The following EPHA6 variants were observed in gnomAD, a reference collection of about 807,000 sequenced individuals.
EPHA6 encodes the protein EPH receptor A6, also known as ephrin type-A receptor 6.
A neutral mutation model predicts 112.0 loss-of-function variants in EPHA6; 50 were observed. That is an observed-to-expected ratio of 0.45 (90% CI 0.36 to 0.56). The LOEUF is 0.56. EPHA6 is among the 20% of genes least tolerant of loss of function. The pLI, the probability that EPHA6 is intolerant of heterozygous loss-of-function variation, is 0.00. For missense variants in EPHA6, 1,280 were observed against 1,417.4 expected (o/e 0.90, Z 1.56); for synonymous variants, 529 against 490.7 (o/e 1.08, Z -1.03).
chr3:97,186,213 A>T (rs533578961), intron 3 of EPHA6, among the ~76,000 whole-genome samples: 5 of 101,880 alleles, frequency 4.9e-5, no homozygotes, highest in Admixed American at 1.3e-4. Context: ...AAAGTATAAT[A>T]AAAAAAAATG....
chr3:97,575,693 G>A (rs973129604), intron 11 of EPHA6, among the ~76,000 whole-genome samples: 1 of 152,170 alleles, frequency 6.6e-6, no homozygotes, highest in Non-Finnish European at 1.5e-5. Context: ...GGGAGCCTTT[G>A]AAAGGTTTTA....
At chr3:97,123,899 G>A (rs149331474) in intron 3 of EPHA6, among the ~76,000 whole-genome samples, 2 of 152,016 alleles carry the variant, frequency 1.3e-5, no homozygotes, top group South Asian at 2.1e-4. Flanking sequence ...TTGTCACAGA[G>A]AGGGAGAGAC....
intron 3 of EPHA6, among the ~76,000 whole-genome samples, chr3:97,156,571 TA>T (rs1453101200): frequency 6.6e-6 from 1 of 152,180 alleles, no homozygotes; most frequent in Non-Finnish European, 1.5e-5. Flanking sequence ...CATTAGCAGA[TA>T]AAAGTTATAG....
At chr3:97,428,326 G>A (rs969742161) in intron 6 of EPHA6, among the ~76,000 whole-genome samples, 5 of 152,018 alleles carry the variant, frequency 3.3e-5, no homozygotes, top group Admixed American at 6.6e-5. Context: ...AGAGGGAGGA[G>A]ACTGGATAGG....
intron 5 of EPHA6, among the ~76,000 whole-genome samples, chr3:97,256,065 C>T (rs962060311): frequency 1.3e-4 from 20 of 152,054 alleles, no homozygotes; most frequent in Admixed American, 7.2e-4. Context: ...TCTCTTTCCT[C>T]ATTTATGAAG....
chr3:96,985,040 G>A (rs535330917), intron 2 of EPHA6, among the ~76,000 whole-genome samples: 2 of 152,138 alleles, frequency 1.3e-5, no homozygotes, highest in African/African-American at 4.8e-5. Flanking sequence ...CACACTCAGT[G>A]GGCTGCACCC....
At chr3:97,151,323 T>C (rs957712249) in intron 3 of EPHA6, among the ~76,000 whole-genome samples, 9 of 152,292 alleles carry the variant, frequency 5.9e-5, no homozygotes, top group Non-Finnish European at 1.3e-4. Flanking sequence ...TATATTGTAA[T>C]CATTGAATGC....
chr3:96,907,853 T>C (rs1197909381), intron 2 of EPHA6, among the ~76,000 whole-genome samples: 2 of 152,008 alleles, frequency 1.3e-5, no homozygotes, highest in Non-Finnish European at 2.9e-5. Flanking sequence ...TTTTCTGTTC[T>C]TTCTGTATGA....
At chr3:97,716,999 T>C (rs1222470510) in intron 14 of EPHA6, among the ~76,000 whole-genome samples, 5 of 151,950 alleles carry the variant, frequency 3.3e-5, no homozygotes, top group African/African-American at 9.7e-5. Context: ...TCACTTGAGG[T>C]CAGGAGTTCA....
intron 1 of EPHA6, among the ~76,000 whole-genome samples, chr3:96,830,087 AAAG>A (rs2033959305): frequency 6.6e-6 from 1 of 152,080 alleles, no homozygotes; most frequent in South Asian, 2.1e-4. Context: ...GCTATAATGA[AAAG>A]AACTATAAAT....
At chr3:97,126,550 A>T (rs2048186616) in intron 3 of EPHA6, among the ~76,000 whole-genome samples, 2 of 152,162 alleles carry the variant, frequency 1.3e-5, no homozygotes, top group African/African-American at 4.8e-5. Flanking sequence ...ACAATTTATT[A>T]ACATGTCACT....
chr3:96,959,370 G>A (rs1343976048), intron 2 of EPHA6, among the ~76,000 whole-genome samples: 1 of 151,838 alleles, frequency 6.6e-6, no homozygotes, highest in African/African-American at 2.4e-5. Flanking sequence ...TATTTTTGTT[G>A]TCTAGTTGGC....
chr3:97,532,649 CT>C, intron 11 of EPHA6, 106 bp downstream of exon 11: 1 of 950,816 alleles, frequency 1.1e-6, no homozygotes, highest in Non-Finnish European at 1.5e-6. Context: ...AAAGGAATAA[CT>C]TAGTTCAGAT....
In EPHA6 at chr3:96,834,842, A is replaced by G. The variant is rs1020513928; in HGVS notation, c.385+19834A>G. Among the ~76,000 whole-genome samples, 5 of 152,030 alleles carry G rather than the reference A, an allele frequency of 3.3e-5. No homozygotes were observed. In the South Asian group the frequency reaches 6.2e-4, roughly 19 times the overall value. On this transcript the variant is annotated intron_variant, in intron 1 of 17. Coordinates refer to ENST00000389672, the MANE Select transcript of EPHA6 (RefSeq NM_001080448.3). ...TATCTAGGCTTTCCTTTAATTATCT[A>G]TCGAATAGCAAAAAAGACACTATTT...
intron 14 of EPHA6, among the ~76,000 whole-genome samples, chr3:97,689,202 A>G (rs950932121): frequency 6.6e-6 from 1 of 152,374 alleles, no homozygotes; most frequent in South Asian, 2.1e-4. Context: ...TTCACAGAAT[A>G]ATAAGTAAAC....
chr3:97,065,719 A>G (rs1320825528), intron 3 of EPHA6, among the ~76,000 whole-genome samples: 1 of 152,096 alleles, frequency 6.6e-6, no homozygotes, highest in Non-Finnish European at 1.5e-5. Flanking sequence ...GTCACATTAA[A>G]TGAGTTTATG....
At chr3:97,700,607 C>A (rs763119550) in intron 14 of EPHA6, among the ~76,000 whole-genome samples, 3 of 152,180 alleles carry the variant, frequency 2.0e-5, no homozygotes, top group Admixed American at 6.5e-5. Context: ...AACAGAATAT[C>A]TAAAGTCAAG....
At chr3:96,980,235 G>A (rs781557061) in intron 2 of EPHA6, among the ~76,000 whole-genome samples, 7 of 152,270 alleles carry the variant, frequency 4.6e-5, no homozygotes, top group East Asian at 1.9e-4. Flanking sequence ...TGTATAAGGT[G>A]TAAGGAAGGG....
Position 97,154,845 on chromosome 3 carries a change from G to T in EPHA6, c.1115-71419G>T, listed in dbSNP as rs116176515. Among the ~76,000 whole-genome samples the T allele has an allele frequency of 6.9e-3, 1,050 of 152,254 alleles. 11 individuals carry two copies. Among genetic ancestry groups the T allele is most frequent in the African/African-American group, 0.024 (993 of 41,552 alleles). On this transcript the variant is annotated intron_variant, in intron 3 of 17. Transcript: ENST00000389672. ...AGTGATGAAATTATATCAGATGAAA[G>T]ATGCCAGAGCCATCTCAATTAGTTT...
Sources: gnomAD v4.1 joint callset for allele counts (sites outside exome capture counted in the v4.1 genomes callset) on GRCh38, gnomAD v4.1.1 for gene constraint, MANE v1.5 for transcripts, NCBI Gene and HGNC (gene_info 2026-07-23, HGNC 2026-07-21) for gene names.